CMYA5: variants seen among roughly 807,000 people sequenced by gnomAD.
CMYA5 encodes the protein cardiomyopathy associated 5.
CMYA5 carries 246 observed loss-of-function variants against 318.9 expected under a neutral mutation model. That is an observed-to-expected ratio of 0.77 (90% confidence interval 0.70 to 0.86). The LOEUF is 0.86. Among genes scored for constraint, CMYA5 ranks in the 40% least tolerant of loss-of-function variants. The pLI is 0.00. For missense variants in CMYA5, 4,589 were observed against 4,678.2 expected, an observed-to-expected ratio of 0.98 and a Z score of 0.56; for synonymous variants, 1,641 against 1,729.5, an observed-to-expected ratio of 0.95 and a Z score of 1.27.
intron 9 of CMYA5, among the ~76,000 whole-genome samples, chr5:79,776,838 T>A (rs1055769649): frequency 6.6e-6 from 1 of 152,188 alleles, no homozygotes; most frequent in Non-Finnish European, 1.5e-5. Flanking sequence ...CGACACTAAC[T>A]GTAGGCTGCT....
At chr5:79,757,711 C>T (rs259124) in intron 6 of CMYA5, among the ~76,000 whole-genome samples, 52,644 of 152,032 alleles carry the variant, frequency 0.35, 9,505 homozygotes, top group East Asian at 0.63. Context: ...ACAACCTTGG[C>T]TATCTAGCAA....
intron 1 of CMYA5, among the ~76,000 whole-genome samples, chr5:79,728,007 A>T (rs568965217): frequency 1.2e-4 from 19 of 152,212 alleles, no homozygotes; most frequent in South Asian, 2.1e-4. Context: ...CACTAACTAC[A>T]TGCCAGGAAT....
chr5:79,789,089 C>T lies in CMYA5; in HGVS notation c.11674C>T (p.Leu3892Phe), dbSNP rs1378770642. 1 of 1,613,730 alleles carries T rather than the reference C, an allele frequency of 6.2e-7. No homozygotes were observed. The highest frequency in any genetic ancestry group is 1.3e-5 in the African/African-American group (1 of 74,896). ...GACAAGTGAACAGAGTGAAGCTGCT[C>T]TCATCTCCACCAGAGGTACTTTCTC... ...FGTSEQSEAA[L>F]ISTRGTRFLL... The change falls in exon 10 of 13, where the codon CTC becomes TTC. Residue 3892 changes from leucine (L) to phenylalanine (F), a missense_variant. Physicochemically the swap from Leu to Phe is conservative, Grantham distance 22. Coordinates refer to ENST00000446378, the MANE Select transcript of CMYA5 (RefSeq NM_153610.5).
chr5:79,762,877 G>A (rs1171988386), intron 8 of CMYA5, 185 bp from the exon 9 acceptor site: 4 of 619,052 alleles, frequency 6.5e-6, no homozygotes, highest in Non-Finnish European at 8.2e-6. Context: ...AATGTGGAAG[G>A]CAGAGAAGGG....
At position 79,778,840 on chromosome 5, in the gene CMYA5, T is replaced by TGTGTGTGTG. The variant is rs1453105123; in HGVS notation, c.11556-10131_11556-10130insGTGTGTGTG. On this transcript the variant is annotated intron_variant, in intron 9 of 12. Transcript: ENST00000446378. ...GTGTGTGTGTGTGTGTGTGTGTATG[T>TGTGTGTGTG]TTATTCACTCATGTTTTTTTGTAGT... 1.1e-4 allele frequency among the ~76,000 whole-genome samples: 13 copies of TGTGTGTGTG among 122,056 alleles called. No homozygotes were observed. In the East Asian group the frequency reaches 1.2e-3, roughly 11 times the overall value. The allele number at this position is 122,056 out of a possible 152,430, so 80.1% of individuals were successfully genotyped here. A position where few individuals can be genotyped will look rare whatever the true frequency, so the allele number is the denominator to read the frequency against.
chr5:79,743,591 A>G (rs1373532946), intron 2 of CMYA5, among the ~76,000 whole-genome samples: 1 of 152,186 alleles, frequency 6.6e-6, no homozygotes, highest in Non-Finnish European at 1.5e-5. Context: ...ACTTACGAAG[A>G]TATACTGTCT....
In CMYA5 at chr5:79,745,236, A is replaced by T; in HGVS notation, c.10749A>T (p.Lys3583Asn). 6.3e-7 allele frequency: 1 copy of T among 1,579,704 alleles called. No homozygotes were observed. The change falls in exon 4 of 13, where the codon AAA (lysine) becomes AAT (asparagine). Residue 3583 changes from lysine to asparagine, a missense_variant. Transcript: ENST00000446378. ...FFNTIEENCS[K>N]NEKRLEEQNE... Reference sequence around the variant, plus strand: ...TTTGTTTTCAGGAAAACTGTAGTAAAAATGAGAAAAGGCTAGAAGAACAGA... The same window carrying T: ...TTTGTTTTCAGGAAAACTGTAGTAATAATGAGAAAAGGCTAGAAGAACAGA...
In CMYA5 at chr5:79,759,650, C is replaced by T. The variant is rs562622617; in HGVS notation, c.11260+748C>T. On this transcript the variant is annotated intron_variant, in intron 7 of 12. Transcript: ENST00000446378. ...TGATGAATCAGAGCTGGGAGTGCTGCCATTCTGTGTTGCTTGTTGAAGACA... is the reference window on the plus strand; with the variant it reads ...TGATGAATCAGAGCTGGGAGTGCTGTCATTCTGTGTTGCTTGTTGAAGACA... 7.2e-5 allele frequency among the ~76,000 whole-genome samples: 11 copies of T among 152,242 alleles called. 1 individual carries two copies. Among genetic ancestry groups the T allele is most frequent in the Middle Eastern group, 3.4e-3 (1 of 294 alleles).
At chr5:79,794,393 A>G (rs1829238127) in intron 12 of CMYA5, among the ~76,000 whole-genome samples, 1 of 152,244 alleles carries the variant, frequency 6.6e-6, no homozygotes, top group African/African-American at 2.4e-5. Context: ...AGCCTGTGTT[A>G]GTCTCAGAGC....
intron 1 of CMYA5, among the ~76,000 whole-genome samples, chr5:79,706,981 A>G (rs926780642): frequency 6.6e-6 from 1 of 152,180 alleles, no homozygotes; most frequent in Non-Finnish European, 1.5e-5. Flanking sequence ...TCCTAGATGT[A>G]CAAATAACTC....
At chr5:79,743,591 A>T (rs1373532946) in intron 2 of CMYA5, among the ~76,000 whole-genome samples, 1 of 152,186 alleles carries the variant, frequency 6.6e-6, no homozygotes, top group African/African-American at 2.4e-5. Flanking sequence ...ACTTACGAAG[A>T]TATACTGTCT....
chr5:79,738,080 A>G lies in CMYA5; in HGVS notation c.9315A>G (p.Glu3105=), dbSNP rs1390190876. 4 of 1,613,592 alleles carry G rather than the reference A, an allele frequency of 2.5e-6. No homozygotes were observed. The highest frequency in any genetic ancestry group is 1.7e-5 in the Admixed American group (1 of 59,932). ...CAGTGGAAAGTGCACTAGAACATGA[A>G]TATGACTTGGTGAAATTAGATGAAA... ...VSSVESALEH[E]YDLVKLDESF... Residue 3105 remains glutamate (E), a synonymous_variant, in exon 2 of 13, where the codon GAA becomes GAG. Transcript: ENST00000446378.
intron 2 of CMYA5, among the ~76,000 whole-genome samples, chr5:79,742,976 G>A (rs952358236): frequency 2.6e-5 from 4 of 152,134 alleles, no homozygotes; most frequent in Admixed American, 2.6e-4. Context: ...CTAGAGCCAA[G>A]GAATACCATA....
At chr5:79,693,852 A>C (rs574786829) in intron 1 of CMYA5, among the ~76,000 whole-genome samples, 1 of 152,332 alleles carries the variant, frequency 6.6e-6, no homozygotes, top group South Asian at 2.1e-4. Flanking sequence ...GACAAATAAA[A>C]CATATAGTAT....
intron 11 of CMYA5, among the ~76,000 whole-genome samples, chr5:79,791,644 T>G (rs1405826867): frequency 6.7e-6 from 1 of 148,160 alleles, no homozygotes; most frequent in Admixed American, 6.8e-5. Flanking sequence ...CACTTGAACC[T>G]CGGAGGTGGA....
Position 79,734,781 on chromosome 5 carries a change from G to A in CMYA5, c.6016G>A (p.Glu2006Lys). ...LAGNVERNIA[E>K]GKEIHSLMES... is the part of the protein sequence containing the mutation. Reference sequence around the variant, plus strand: ...TGGAAATGTAGAGAGAAACATAGCAGAGGGGAAGGAGATTCATTCTTTGAT... The same window carrying A: ...TGGAAATGTAGAGAGAAACATAGCAAAGGGGAAGGAGATTCATTCTTTGAT... The change falls in exon 2 of 13, where the codon GAG (glutamate) becomes AAG (lysine). Residue 2006 changes from glutamate (E) to lysine (K), a missense_variant. By Grantham distance (56) the Glu-to-Lys change is moderately conservative. This residue lies in a region of CMYA5 where 2,431 missense variants were observed against 2,495.1 expected (regional missense o/e 0.97). Coordinates refer to ENST00000446378, the MANE Select transcript of CMYA5 (RefSeq NM_153610.5). 1 of 1,613,784 alleles carries A rather than the reference G, an allele frequency of 6.2e-7. No individual in the cohort carries two copies. Among genetic ancestry groups the A allele is most frequent in the Non-Finnish European group, 8.5e-7 (1 of 1,179,794 alleles).
Position 79,732,311 on chromosome 5 carries a change from A to G in CMYA5, c.3546A>G (p.Lys1182=). Residue 1182 remains lysine (K), a synonymous_variant, in exon 2 of 13, where the codon AAA becomes AAG. Coordinates refer to ENST00000446378, the MANE Select transcript of CMYA5 (RefSeq NM_153610.5). Reference sequence around the variant, plus strand: ...CTGATTCAGTCCCTGCAATCAAGAAAGAACAGGAACCCACAGCAGCACTCA... The same window carrying G: ...CTGATTCAGTCCCTGCAATCAAGAAGGAACAGGAACCCACAGCAGCACTCA... ...VLPDSVPAIK[K]EQEPTAALTL... is the part of the protein sequence containing the mutation. 6.2e-7 allele frequency: 1 copy of G among 1,613,880 alleles called. No homozygotes were observed. Among genetic ancestry groups the G allele is most frequent in the Non-Finnish European group, 8.5e-7 (1 of 1,179,864 alleles).
chr5:79,702,517 A>G (rs1827192962), intron 1 of CMYA5, among the ~76,000 whole-genome samples: 1 of 152,214 alleles, frequency 6.6e-6, no homozygotes, highest in South Asian at 2.1e-4. Context: ...AACATATTGT[A>G]TGGTTTCATT....
chr5:79,799,873 A>ACCAACG lies in CMYA5; in HGVS notation c.*257_*258insCCAACG. On this transcript the variant is annotated 3_prime_UTR_variant, in exon 13 of 13. Transcript: ENST00000446378. ...AAGTTTGAGTTCTTTCCTAAATTAA[A>ACCAACG]AGATCTACACTTGAGTTGGGAACCG... 8.4e-5 allele frequency: 12 copies of ACCAACG among 142,338 alleles called. No homozygotes were observed. Among genetic ancestry groups the ACCAACG allele is most frequent in the South Asian group, 2.9e-4 (2 of 6,880 alleles). 8.8% of individuals were successfully genotyped at this position (142,338 alleles called of 1,614,324 possible).
Sources: gnomAD v4.1 joint callset for allele counts (sites outside exome capture counted in the v4.1 genomes callset) on GRCh38, gnomAD v4.1.1 for gene constraint, gnomAD v4.1.1 regional missense constraint, MANE v1.5 for transcripts, NCBI Gene and HGNC (gene_info 2026-07-23, HGNC 2026-07-21) for gene names.